Variants in NWD1 observed in about 807,000 individuals in gnomAD.
NWD1 encodes the protein NACHT and WD repeat domain containing 1, also known as NACHT domain- and WD repeat-containing protein 1.
A neutral mutation model predicts 135.1 loss-of-function variants in NWD1; 129 were observed. The observed-to-expected ratio is 0.96, with a 90% CI of 0.83 to 1.11. The LOEUF (loss-of-function observed/expected upper bound fraction) is 1.11. Ranked by LOEUF, NWD1 falls within the 50% of genes least tolerant of loss-of-function variation. The pLI, the probability that NWD1 is intolerant of heterozygous loss-of-function variation, is 0.00. For missense variants in NWD1, 1,740 were observed against 1,851.3 expected (o/e 0.94, Z 1.10); for synonymous variants, 773 against 786.0 (o/e 0.98, Z 0.28).
At chr19:16,726,425 A>C (rs772595761) in intron 2 of NWD1, among the ~76,000 whole-genome samples, 10 of 151,484 alleles carry the variant, frequency 6.6e-5, no homozygotes, top group Non-Finnish European at 1.2e-4. Context: ...AATTGATTTT[A>C]AACTGTTTTC....
In NWD1 at chr19:16,744,711, C is replaced by T. The variant is rs775242708; in HGVS notation, c.489C>T (p.His163=). The part of the protein sequence containing the change: ...LITQEQWQHY[H]RSVIEWEIER... ...CCCAGGAGCAGTGGCAGCACTACCA[C>T]CGGTCAGGTGAGGCCGCAGGGACTC... The change falls in exon 5 of 19, where the codon CAC becomes CAT. Residue 163 remains histidine, a synonymous_variant. Transcript: ENST00000524140. 1.4e-5 allele frequency: 21 copies of T among 1,535,792 alleles called. No homozygotes were observed. The highest frequency in any genetic ancestry group is 1.7e-5 in the Non-Finnish European group (20 of 1,146,778).
In NWD1 at chr19:16,766,015, T is replaced by G. The variant is rs1397215334; in HGVS notation, c.2410+823T>G. ...CTGGGCAACAGAGTGAGACTCCGTCTCAAAAAAAAAAAAAAAAAAAGAAAG... is the reference window on the plus strand; with the variant it reads ...CTGGGCAACAGAGTGAGACTCCGTCGCAAAAAAAAAAAAAAAAAAAGAAAG... On this transcript the variant is annotated intron_variant, in intron 10 of 18. Transcript: ENST00000524140. 1.1e-4 allele frequency among the ~76,000 whole-genome samples: 8 copies of G among 73,004 alleles called. No homozygotes were observed. In the East Asian group the frequency reaches 3.7e-3, roughly 34 times the overall value. The allele number at this position is 73,004 out of a possible 152,430, so 47.9% of individuals were successfully genotyped here. A position where few individuals can be genotyped will look rare whatever the true frequency, so the allele number is the denominator to read the frequency against.
intron 1 of NWD1, among the ~76,000 whole-genome samples, chr19:16,722,742 C>T (rs1967185300): frequency 6.6e-6 from 1 of 151,860 alleles, no homozygotes. Context: ...AGCCTTGGCT[C>T]ACACTAGATA....
rs568712950 is a variant in NWD1 at position 16,733,183 on chromosome 19, T to C, written c.81+1905T>C. On this transcript the variant is annotated intron_variant, in intron 3 of 18. Transcript: ENST00000524140. The stretch of plus-strand genomic sequence containing the variant: ...CTGCAGTGAGCTGTGATGGAGCCAC[T>C]GCACTCTAGCCTGGGTGCCAGATTG... Among the ~76,000 whole-genome samples, 20 of 151,596 alleles carry C rather than the reference T, an allele frequency of 1.3e-4. No individual in the cohort carries two copies. The East Asian group carries it at 3.3e-3, about 25-fold the overall frequency.
intron 5 of NWD1, among the ~76,000 whole-genome samples, chr19:16,747,345 TTTTATTTA>T (rs78977506): frequency 0.19 from 27,446 of 143,144 alleles, 4,914 homozygotes; most frequent in African/African-American, 0.47. Context: ...GACATTTTCT[TTTTATTTA>T]TTTATTTATT....
At chr19:16,728,075 A>G (rs549798583) in intron 2 of NWD1, among the ~76,000 whole-genome samples, 2 of 151,978 alleles carry the variant, frequency 1.3e-5, no homozygotes, top group East Asian at 3.9e-4. Context: ...AACAAAATAA[A>G]CCAAAAACTC....
chr19:16,765,550 T>C (rs62118254), intron 10 of NWD1, among the ~76,000 whole-genome samples: 36,302 of 152,046 alleles, frequency 0.24, 4,902 homozygotes, highest in Middle Eastern at 0.47. Flanking sequence ...CCCAGGCTAG[T>C]CTCAAACTCC....
At chr19:16,721,683 G>C (rs1967142257) in intron 1 of NWD1, 1 of 152,288 alleles carries the variant, frequency 6.6e-6, no homozygotes, top group Admixed American at 6.6e-5. Flanking sequence ...GTGGAGGAGA[G>C]GGGGTCTGAC....
At chr19:16,747,662 A>T (rs556368512) in intron 5 of NWD1, among the ~76,000 whole-genome samples, 55 of 151,820 alleles carry the variant, frequency 3.6e-4, no homozygotes, top group Non-Finnish European at 6.5e-4. Context: ...CATGAACTAC[A>T]CCTGGCCCTC....
At chr19:16,772,655 T>TA (rs1362942873) in intron 10 of NWD1, among the ~76,000 whole-genome samples, 3 of 151,756 alleles carry the variant, frequency 2.0e-5, no homozygotes, top group African/African-American at 4.8e-5. Flanking sequence ...CAAAAATAAA[T>TA]AAATAAAATA....
rs1238681770 is a variant in NWD1, at chr19:16,807,841, A to T, written c.3992A>T (p.Asp1331Val). The T allele has an allele frequency of 6.2e-7, 1 of 1,613,514 alleles. No homozygotes were observed. The highest frequency in any genetic ancestry group is 1.1e-5 in the South Asian group (1 of 91,048). ...IVLVLDITSG[D>V]PCPVIDGPRY... is the part of the protein sequence containing the mutation. ...CTGGTGCTGGACATCACCTCCGGGG[A>T]CCCCTGCCCGGTCATCGATGGGCCA... Residue 1331 changes from aspartate to valine, a missense_variant, in exon 18 of 19, where the codon GAC becomes GTC. Transcript: ENST00000524140.
intron 3 of NWD1, 54 bp downstream of exon 3, chr19:16,731,332 A>G (rs1967553936): frequency 9.2e-7 from 1 of 1,090,190 alleles, no homozygotes; most frequent in Admixed American, 2.0e-5. Flanking sequence ...TTTGACACGT[A>G]GTTCTTGCTC....
At chr19:16,799,569 C>T (rs757224904) in intron 16 of NWD1, among the ~76,000 whole-genome samples, 3 of 152,000 alleles carry the variant, frequency 2.0e-5, no homozygotes, top group Admixed American at 6.6e-5. Flanking sequence ...TGCAATGGCA[C>T]GATCTTGGCT....
chr19:16,768,179 A>G (rs1476150616), intron 10 of NWD1, among the ~76,000 whole-genome samples: 1 of 151,684 alleles, frequency 6.6e-6, no homozygotes, highest in Non-Finnish European at 1.5e-5. Flanking sequence ...ATTTTTTAGT[A>G]GAGATGGGGT....
chr19:16,773,109 A>G lies in NWD1; in HGVS notation c.2411-17A>G. The G allele has an allele frequency of 6.2e-7, 1 of 1,611,120 alleles. No individual in the cohort carries two copies. The highest frequency in any genetic ancestry group is 1.7e-5 in the Admixed American group (1 of 60,008). ...GGGCTCAATCCAGGCAACTTAGTCT[A>G]CATCCCTTTGTTGCAGAGAGGAGCC... On this transcript the variant is annotated splice_polypyrimidine_tract_variant and intron_variant, in intron 10 of 18. Transcript: ENST00000524140.
Position 16,750,273 on chromosome 19 carries a change from G to A in NWD1, c.1631G>A (p.Arg544Gln), listed in dbSNP as rs148029259. The A allele has an allele frequency of 4.7e-4, 752 of 1,613,632 alleles. 3 individuals are homozygous for A. The African/African-American group carries it at 6.5e-3, about 14-fold the overall frequency. The change falls in exon 6 of 19, where the codon CGG becomes CAG. Residue 544 changes from arginine (R) to glutamine (Q), a missense_variant. Transcript: ENST00000524140. ...CTGAGGCTGGCGTTTGAGGAAGCCC[G>A]GAAATGGGCCTCTTTCACCGTGCCT... ...GRLRLAFEEARKWASFTVPVP... is the reference protein window; with the variant it reads ...GRLRLAFEEAQKWASFTVPVP...
intron 17 of NWD1, among the ~76,000 whole-genome samples, chr19:16,803,246 C>T (rs964541140): frequency 2.0e-5 from 3 of 152,098 alleles, no homozygotes; most frequent in African/African-American, 7.2e-5. Flanking sequence ...GGAATTATTG[C>T]AATTCAAAAT....
In NWD1 at chr19:16,791,375, C is replaced by A; in HGVS notation, c.2966C>A (p.Ala989Glu). 6.2e-7 allele frequency: 1 copy of A among 1,613,982 alleles called. No individual in the cohort carries two copies. Among genetic ancestry groups the A allele is most frequent in the Non-Finnish European group, 8.5e-7 (1 of 1,179,968 alleles). ...ATCAATGCTTGGAATCTGGAAACTG[C>A]AGAGCCGGTATTCCATATCCTGGGA... ...SKINAWNLET[A>E]EPVFHILGDA... Residue 989 changes from alanine to glutamate, a missense_variant, in exon 14 of 19, where the codon GCA (alanine) becomes GAA (glutamate). Ala to Glu is a moderately radical substitution (Grantham distance 107, BLOSUM62 -1). Transcript: ENST00000524140.
At chr19:16,748,847 G>T (rs1270654841) in intron 5 of NWD1, among the ~76,000 whole-genome samples, 6 of 149,126 alleles carry the variant, frequency 4.0e-5, no homozygotes, top group Non-Finnish European at 5.9e-5. Flanking sequence ...ATAAGAAGAA[G>T]AATAAGAGTA....
Sources: gnomAD v4.1 joint callset for allele counts (sites outside exome capture counted in the v4.1 genomes callset) on GRCh38, gnomAD v4.1.1 for gene constraint, MANE v1.5 for transcripts, NCBI Gene and HGNC (gene_info 2026-07-23, HGNC 2026-07-21) for gene names.